The following ELMO1 variants were observed in gnomAD, a reference collection of about 807,000 sequenced individuals.
The protein encoded by ELMO1 is engulfment and cell motility protein 1.
ELMO1 carries 26 observed loss-of-function variants against 98.9 expected under a neutral mutation model. The ratio of observed to expected loss-of-function variants is 0.26; its 90% CI spans 0.19 to 0.36. The LOEUF (loss-of-function observed/expected upper bound fraction) is 0.36. Ranked by LOEUF, ELMO1 falls within the 10% of genes least tolerant of loss-of-function variation. The pLI is 1.00. For missense variants in ELMO1, 627 were observed against 935.2 expected, an observed-to-expected ratio of 0.67 and a Z score of 4.30; for synonymous variants, 346 against 346.0, an observed-to-expected ratio of 1.00 and a Z score of 0.00.
intron 14 of ELMO1, among the ~76,000 whole-genome samples, chr7:37,102,072 A>C (rs1443901841): frequency 6.6e-6 from 1 of 152,170 alleles, no homozygotes; most frequent in African/African-American, 2.4e-5. Flanking sequence ...CACAGGGTCA[A>C]TGTCCCCTTA....
At chr7:36,920,410 A>C (rs558557350) in intron 16 of ELMO1, among the ~76,000 whole-genome samples, 16 of 152,338 alleles carry the variant, frequency 1.1e-4, no homozygotes, top group African/African-American at 3.8e-4. Context: ...ATGTTTCCTA[A>C]TTCAGCTGAT....
chr7:36,972,168 T>A lies in ELMO1; in HGVS notation c.1437+41131A>T, dbSNP rs769343643. Among the ~76,000 whole-genome samples, 15 of 152,322 alleles carry A rather than the reference T, an allele frequency of 9.8e-5. No homozygotes were observed. In the Middle Eastern group the frequency reaches 0.01, roughly 104 times the overall value. ...CTAAGAAGCAGGTATTATTATTCTA[T>A]TTTACAAGAGACACCATTAGGGCCA... is the stretch of plus-strand genomic sequence containing the variant. On this transcript the variant is annotated intron_variant, in intron 16 of 21. Transcript: ENST00000310758.
At chr7:37,118,694 A>T (rs1785769802) in intron 14 of ELMO1, among the ~76,000 whole-genome samples, 1 of 152,184 alleles carries the variant, frequency 6.6e-6, no homozygotes, top group African/African-American at 2.4e-5. Context: ...GACTATCATC[A>T]TCAACGGGCA....
chr7:37,182,512 C>T (rs1790941517), intron 13 of ELMO1, among the ~76,000 whole-genome samples: 1 of 146,186 alleles, frequency 6.8e-6, no homozygotes, highest in African/African-American at 2.6e-5. Flanking sequence ...GCTTGGTTGC[C>T]CACGCTGGAG....
At chr7:37,387,587 G>A (rs116510877) in intron 1 of ELMO1, among the ~76,000 whole-genome samples, 2,087 of 152,188 alleles carry the variant, frequency 0.014, 44 homozygotes, top group African/African-American at 0.048. Context: ...GTTAGTACTC[G>A]AATATACCAT....
At chr7:37,285,069 G>C (rs544885966) in intron 4 of ELMO1, among the ~76,000 whole-genome samples, 3 of 152,300 alleles carry the variant, frequency 2.0e-5, no homozygotes, top group East Asian at 3.9e-4. Flanking sequence ...ACAGAGACAC[G>C]TCTATAGTGC....
intron 16 of ELMO1, among the ~76,000 whole-genome samples, chr7:36,962,784 C>G (rs1445509998): frequency 6.6e-6 from 1 of 151,452 alleles, no homozygotes; most frequent in African/African-American, 2.4e-5. Context: ...GCATTGTCTG[C>G]AGTTAGCATC....
chr7:37,387,000 A>G (rs1315235955), intron 1 of ELMO1, among the ~76,000 whole-genome samples: 7 of 152,326 alleles, frequency 4.6e-5, no homozygotes, highest in African/African-American at 1.7e-4. Flanking sequence ...TGCTCCCCAG[A>G]TGACTCTAAT....
intron 1 of ELMO1, among the ~76,000 whole-genome samples, chr7:37,436,543 T>C (rs1805151571): frequency 6.6e-6 from 1 of 152,216 alleles, no homozygotes; most frequent in African/African-American, 2.4e-5. Flanking sequence ...CATACTTCTA[T>C]CCAGGGCATT....
At chr7:37,223,009 G>T (rs1348688177) in intron 9 of ELMO1, among the ~76,000 whole-genome samples, 1 of 152,122 alleles carries the variant, frequency 6.6e-6, no homozygotes, top group Non-Finnish European at 1.5e-5. Context: ...ACTAGTAATA[G>T]ATGTATGTAT....
intron 2 of ELMO1, among the ~76,000 whole-genome samples, chr7:37,325,900 G>A (rs570496644): frequency 2.0e-5 from 3 of 152,110 alleles, no homozygotes; most frequent in Non-Finnish European, 4.4e-5. Context: ...TCCCAGAGGC[G>A]CCTCGTGACA....
At chr7:37,323,683 A>T (rs1391723714) in intron 2 of ELMO1, among the ~76,000 whole-genome samples, 1 of 152,178 alleles carries the variant, frequency 6.6e-6, no homozygotes, top group Non-Finnish European at 1.5e-5. Flanking sequence ...GCTGATTTTC[A>T]ATCTATCTCT....
At chr7:37,086,276 A>G (rs762842861) in intron 15 of ELMO1, among the ~76,000 whole-genome samples, 156 of 151,936 alleles carry the variant, frequency 1.0e-3, no homozygotes, top group Non-Finnish European at 1.9e-3. Context: ...TTCAAGTTAT[A>G]TTTTTTAAAA....
chr7:37,230,004 A>C (rs1262319721), intron 8 of ELMO1, among the ~76,000 whole-genome samples: 8 of 152,198 alleles, frequency 5.3e-5, no homozygotes, highest in African/African-American at 1.9e-4. Context: ...ATTTAAAGAA[A>C]CACAGCTTTC....
intron 1 of ELMO1, among the ~76,000 whole-genome samples, chr7:37,399,307 A>G (rs761510482): frequency 6.6e-6 from 1 of 152,216 alleles, no homozygotes; most frequent in Non-Finnish European, 1.5e-5. Flanking sequence ...GTTCCTGGGC[A>G]ATTTTGTTGC....
chr7:37,119,170 T>C (rs890186622), intron 14 of ELMO1, among the ~76,000 whole-genome samples: 10 of 152,216 alleles, frequency 6.6e-5, no homozygotes, highest in East Asian at 1.9e-4. Flanking sequence ...GCTGTGATCA[T>C]TGATGTTTAG....
intron 16 of ELMO1, among the ~76,000 whole-genome samples, chr7:36,912,606 G>A (rs1232633028): frequency 6.6e-6 from 1 of 152,154 alleles, no homozygotes; most frequent in Non-Finnish European, 1.5e-5. Context: ...AAGGAGGAAA[G>A]AGATCAATGA....
chr7:37,168,092 T>G (rs1789855372), intron 13 of ELMO1, among the ~76,000 whole-genome samples: 2 of 151,930 alleles, frequency 1.3e-5, no homozygotes, highest in African/African-American at 2.4e-5. Flanking sequence ...ATTCATTTCA[T>G]CTTCCATCAC....
At chr7:37,052,865 A>C (rs1295656677) in intron 15 of ELMO1, among the ~76,000 whole-genome samples, 2 of 152,148 alleles carry the variant, frequency 1.3e-5, no homozygotes, top group Admixed American at 1.3e-4. Context: ...CACCAAGGAG[A>C]GCACCAACCC....
Sources: gnomAD v4.1 joint callset for allele counts (sites outside exome capture counted in the v4.1 genomes callset) on GRCh38, gnomAD v4.1.1 for gene constraint, MANE v1.5 for transcripts, NCBI Gene and HGNC (gene_info 2026-07-23, HGNC 2026-07-21) for gene names.